Variants in SNX19 observed in about 807,000 individuals in gnomAD.
SNX19 encodes sorting nexin 19.
In SNX19, 60 loss-of-function variants were observed where a neutral mutation model predicts 85.2. The observed-to-expected ratio is 0.70, with a 90% confidence interval of 0.57 to 0.87. SNX19 has a LOEUF of 0.87. Among genes scored for constraint, SNX19 ranks in the 40% least tolerant of loss-of-function variants. The pLI, the probability that SNX19 is intolerant of heterozygous loss-of-function variation, is 0.00. For synonymous variants in SNX19, 520 were observed against 470.0 expected, an observed-to-expected ratio of 1.11 and a Z score of -1.38; for missense variants, 1,201 against 1,217.8, an observed-to-expected ratio of 0.99 and a Z score of 0.21.
In SNX19 at chr11:130,873,188, G is replaced by A. The variant is rs772444280; in HGVS notation, c.*5234C>T. Reference sequence around the variant, plus strand: ...TCACTAGACCGCAGGTCCACAAACTGACTCATGGGACAAACCCGGCCAGCT... The same window carrying A: ...TCACTAGACCGCAGGTCCACAAACTAACTCATGGGACAAACCCGGCCAGCT... On this transcript the variant is annotated 3_prime_UTR_variant, in exon 11 of 11. Transcript: ENST00000265909. Among the ~76,000 whole-genome samples the A allele has an allele frequency of 5.3e-5, 8 of 152,162 alleles. No individual in the cohort carries two copies. The highest frequency in any genetic ancestry group is 8.8e-5 in the Non-Finnish European group (6 of 68,022).
intron 8 of SNX19, among the ~76,000 whole-genome samples, chr11:130,891,482 T>A (rs1944491192): frequency 6.6e-6 from 1 of 152,132 alleles, no homozygotes; most frequent in African/African-American, 2.4e-5. Flanking sequence ...TCAATTTTCC[T>A]GGGAAATAGG....
At chr11:130,887,603 T>C (rs1160583353) in intron 8 of SNX19, among the ~76,000 whole-genome samples, 6 of 152,204 alleles carry the variant, frequency 3.9e-5, no homozygotes, top group African/African-American at 1.4e-4. Flanking sequence ...TTGAAGATGC[T>C]TCTTAAACCT....
intron 8 of SNX19, among the ~76,000 whole-genome samples, chr11:130,887,007 A>C (rs545369377): frequency 1.3e-5 from 2 of 152,194 alleles, no homozygotes; most frequent in African/African-American, 4.8e-5. Context: ...TCTTTCTCCC[A>C]ATACTACTGT....
At position 130,915,393 on chromosome 11, in the gene SNX19, C is replaced by A. The variant is rs746231243; in HGVS notation, c.547G>T (p.Val183Phe). The part of the protein sequence containing the change: ...KEATAGKNGP[V>F]EPSHLWEAYC... ...GCCTCCCAGAGGTGGGAAGGCTCAA[C>A]TGGACCATTCTTCCCTGCAGTGGCC... Residue 183 changes from valine to phenylalanine, a missense_variant, in exon 1 of 11, where the codon GTT becomes TTT. This residue lies in a region of SNX19 where 791 missense variants were observed against 750.9 expected (regional missense o/e 1.05). Transcript: ENST00000265909. 6.2e-7 allele frequency: 1 copy of A among 1,613,912 alleles called. No individual in the cohort carries two copies. The highest frequency in any genetic ancestry group is 8.5e-7 in the Non-Finnish European group (1 of 1,180,052).
intron 10 of SNX19, 84 bp from the exon 11 acceptor site, chr11:130,878,638 C>A: frequency 6.7e-7 from 1 of 1,485,416 alleles, no homozygotes. Flanking sequence ...TTCTCCTCCC[C>A]CATCACCGAC....
chr11:130,913,176 T>C (rs535851263), intron 1 of SNX19, among the ~76,000 whole-genome samples: 5 of 152,242 alleles, frequency 3.3e-5, no homozygotes, highest in Non-Finnish European at 7.4e-5. Context: ...TATGTCAGTA[T>C]TGGAATAGTC....
At chr11:130,905,520 G>A (rs976041652) in intron 7 of SNX19, 18 of 576,598 alleles carry the variant, frequency 3.1e-5, no homozygotes, top group South Asian at 2.9e-4. Flanking sequence ...TAAGGACAGC[G>A]AGCCAAAAAT....
At chr11:130,885,811 AG>A (rs2135301016) in intron 8 of SNX19, among the ~76,000 whole-genome samples, 1 of 152,374 alleles carries the variant, frequency 6.6e-6, no homozygotes, top group African/African-American at 2.4e-5. Context: ...GAGAAAGAAA[AG>A]GAAGATCAAG....
intron 8 of SNX19, among the ~76,000 whole-genome samples, chr11:130,888,265 A>G (rs994926061): frequency 6.6e-6 from 1 of 152,172 alleles, no homozygotes; most frequent in Non-Finnish European, 1.5e-5. Flanking sequence ...TAGAGTTTTA[A>G]CTACTCCTCT....
In SNX19 at chr11:130,886,394, G is replaced by C. The variant is rs1360232945; in HGVS notation, c.2574-5588C>G. 2.6e-5 allele frequency among the ~76,000 whole-genome samples: 4 copies of C among 152,264 alleles called. No individual in the cohort carries two copies. In the East Asian group the frequency reaches 7.7e-4, roughly 29 times the overall value. On this transcript the variant is annotated intron_variant, in intron 8 of 10. Transcript: ENST00000265909. ...AACGTACAATGCATTTTTTACTGTA[G>C]GTTGAAGTTTTAAAAAAAGTTTGAA...
chr11:130,880,160 GCCATGTACCATACT>G (rs1325760855), intron 9 of SNX19, among the ~76,000 whole-genome samples: 1 of 152,266 alleles, frequency 6.6e-6, no homozygotes, highest in Middle Eastern at 3.4e-3. Context: ...ATTGCTAAAG[GCCATGTACCATACT>G]CAATGGCTGC....
chr11:130,881,787 C>G (rs937934813), intron 8 of SNX19, among the ~76,000 whole-genome samples: 1 of 152,232 alleles, frequency 6.6e-6, no homozygotes, highest in Admixed American at 6.5e-5. Context: ...AAGTGCTCTC[C>G]TTCTCCATAG....
At chr11:130,883,484 G>C (rs906754597) in intron 8 of SNX19, among the ~76,000 whole-genome samples, 1 of 152,184 alleles carries the variant, frequency 6.6e-6, no homozygotes, top group African/African-American at 2.4e-5. Context: ...ACTCCCTCCA[G>C]GCCTACAAAG....
At chr11:130,891,831 T>A (rs7106173) in intron 8 of SNX19, among the ~76,000 whole-genome samples, 89,179 of 149,636 alleles carry the variant, frequency 0.6, 27,019 homozygotes, top group South Asian at 0.73. Flanking sequence ...TAAGATTTCA[T>A]TCTGAAAGTT....
In SNX19 at chr11:130,874,705, T is replaced by G. The variant is rs1241529022; in HGVS notation, c.*3717A>C. On this transcript the variant is annotated 3_prime_UTR_variant, in exon 11 of 11. Coordinates refer to ENST00000265909, the MANE Select transcript of SNX19 (RefSeq NM_014758.3). ...TTCCTCCAGGACCTAACAACTGGTG[T>G]TGTGTGCTATGAGCAAAGGAAGAGC... Among the ~76,000 whole-genome samples, 1 of 152,232 alleles carries G rather than the reference T, an allele frequency of 6.6e-6. No homozygotes were observed. Among genetic ancestry groups the G allele is most frequent in the Non-Finnish European group, 1.5e-5 (1 of 68,044 alleles).
rs186474618 is a variant in SNX19 at position 130,888,867 on chromosome 11, C to T, written c.2574-8061G>A. Among the ~76,000 whole-genome samples, 418 of 152,200 alleles carry T rather than the reference C, an allele frequency of 2.7e-3. 2 individuals carry two copies. The highest frequency in any genetic ancestry group is 4.0e-3 in the Non-Finnish European group (275 of 67,972). ...AGGTTACGTGCTCTATTATTATTTT[C>T]ATTTCTATTTTGGTCGCCAATTCTA... On this transcript the variant is annotated intron_variant, in intron 8 of 10. Coordinates refer to ENST00000265909, the MANE Select transcript of SNX19 (RefSeq NM_014758.3).
chr11:130,915,392 A>C lies in SNX19; in HGVS notation c.548T>G (p.Val183Gly), dbSNP rs1414221297. The C allele has an allele frequency of 6.2e-7, 1 of 1,614,036 alleles. No individual in the cohort carries two copies. The highest frequency in any genetic ancestry group is 8.5e-7 in the Non-Finnish European group (1 of 1,180,036). The change falls in exon 1 of 11, where the codon GTT becomes GGT. Residue 183 changes from valine to glycine, a missense_variant. By Grantham distance (109) the Val-to-Gly change is moderately radical. This residue lies in a region of SNX19 where 791 missense variants were observed against 750.9 expected (regional missense o/e 1.05). Transcript: ENST00000265909. ...KEATAGKNGPVEPSHLWEAYC... is the reference protein window; with the variant it reads ...KEATAGKNGPGEPSHLWEAYC... ...AGCCTCCCAGAGGTGGGAAGGCTCAACTGGACCATTCTTCCCTGCAGTGGC... is the reference window on the plus strand; with the variant it reads ...AGCCTCCCAGAGGTGGGAAGGCTCACCTGGACCATTCTTCCCTGCAGTGGC...
chr11:130,891,614 A>G (rs1440432866), intron 8 of SNX19, among the ~76,000 whole-genome samples: 1 of 152,150 alleles, frequency 6.6e-6, no homozygotes, highest in East Asian at 1.9e-4. Context: ...ATTGATTCCA[A>G]CCCATTATTT....
intron 8 of SNX19, among the ~76,000 whole-genome samples, chr11:130,890,265 T>C (rs1944405552): frequency 6.6e-6 from 1 of 152,202 alleles, no homozygotes; most frequent in Non-Finnish European, 1.5e-5. Flanking sequence ...CAATATCTCA[T>C]GAATCTATTA....
Sources: allele counts gnomAD v4.1 joint callset (sites outside exome capture counted in the v4.1 genomes callset), GRCh38; gene constraint gnomAD v4.1.1; regional missense constraint gnomAD v4.1.1; transcripts MANE v1.5; gene names NCBI Gene and HGNC (gene_info 2026-07-23, HGNC 2026-07-21).